NMT1: variants seen among roughly 807,000 people sequenced by gnomAD.
The protein encoded by NMT1 is glycylpeptide N-tetradecanoyltransferase 1.
In NMT1, 12 loss-of-function variants were observed where a neutral mutation model predicts 63.4. The observed-to-expected ratio is 0.19, with a 90% CI of 0.12 to 0.31. The LOEUF (loss-of-function observed/expected upper bound fraction) is 0.31. Ranked by LOEUF, NMT1 falls within the 10% of genes least tolerant of loss-of-function variation. NMT1 has a pLI of 1.00. For missense variants in NMT1, 432 were observed against 634.6 expected (o/e 0.68, Z 3.43); for synonymous variants, 228 against 234.3 (o/e 0.97, Z 0.25).
At chr17:45,066,786 C>T (rs1199280841) in intron 1 of NMT1, among the ~76,000 whole-genome samples, 1 of 152,118 alleles carries the variant, frequency 6.6e-6, no homozygotes, top group African/African-American at 2.4e-5. Flanking sequence ...GTGATCATGG[C>T]TTACTGCAGC....
chr17:45,100,415 A>C (rs2054153980), intron 8 of NMT1, among the ~76,000 whole-genome samples: 1 of 150,950 alleles, frequency 6.6e-6, no homozygotes, highest in Non-Finnish European at 1.5e-5. Context: ...AAATATAAAA[A>C]ATTAGCCAGT....
At chr17:45,081,467 G>A (rs1262131201) in intron 1 of NMT1, among the ~76,000 whole-genome samples, 177 bp from the exon 2 acceptor site, 1 of 152,212 alleles carries the variant, frequency 6.6e-6, no homozygotes, top group African/African-American at 2.4e-5. Context: ...GGGGGCGCGA[G>A]TCAGGAGGAG....
chr17:45,072,834 C>A (rs532535566), intron 1 of NMT1, among the ~76,000 whole-genome samples: 2 of 152,054 alleles, frequency 1.3e-5, no homozygotes, highest in South Asian at 2.1e-4. Flanking sequence ...GCTGGGATTA[C>A]AGGCGTGAGC....
rs772701064 is a variant in NMT1 at position 45,099,486 on chromosome 17, C to T, written c.966C>T (p.Arg322=). ...SHLSRNMTMQ[R]TMKLYRLPET... is the part of the protein sequence containing the mutation. ...TGAGCAGAAATATGACCATGCAGCG[C>T]ACCATGAAGCTCTACCGACTGCCAG... Residue 322 remains arginine (R), a synonymous_variant, in exon 8 of 12, where the codon CGC becomes CGT. Transcript: ENST00000258960. The T allele has an allele frequency of 2.5e-6, 4 of 1,613,930 alleles. No homozygotes were observed. Among genetic ancestry groups the T allele is most frequent in the South Asian group, 1.1e-5 (1 of 91,080 alleles).
chr17:45,091,434 G>GT (rs1224938841), intron 3 of NMT1, among the ~76,000 whole-genome samples: 15 of 152,270 alleles, frequency 9.9e-5, no homozygotes, highest in Admixed American at 6.5e-4. Context: ...AGTGCCTGTT[G>GT]CGTGTAGGAC....
chr17:45,100,721 C>T (rs887345744), intron 8 of NMT1, among the ~76,000 whole-genome samples: 9 of 146,252 alleles, frequency 6.2e-5, no homozygotes, highest in Admixed American at 4.8e-4. Flanking sequence ...ATTAGCTGGT[C>T]GTGGCGTGGC....
chr17:45,070,450 C>T (rs1260095124), intron 1 of NMT1, among the ~76,000 whole-genome samples: 1 of 152,154 alleles, frequency 6.6e-6, no homozygotes, highest in African/African-American at 2.4e-5. Flanking sequence ...CAGAGTCTCG[C>T]TCTGTCACCC....
Position 45,104,760 on chromosome 17 carries a change from G to C in NMT1, c.1333-99G>C. 2.6e-6 allele frequency: 4 copies of C among 1,552,088 alleles called. No homozygotes were observed. The highest frequency in any genetic ancestry group is 2.6e-6 in the Non-Finnish European group (3 of 1,147,664). ...CTTCTGAGGGAACCTTGTTCTTGTG[G>C]CTGCCCACAGGACAGCTTTGAAATG... On this transcript the variant is annotated intron_variant, in intron 10 of 11. Transcript: ENST00000258960. This position sits in a 1 kb window ranked among gnomAD's most constrained non-coding sequence, Gnocchi z 4.2.
chr17:45,085,779 A>G (rs904153784), intron 2 of NMT1, among the ~76,000 whole-genome samples: 3 of 151,808 alleles, frequency 2.0e-5, no homozygotes, highest in African/African-American at 7.3e-5. Context: ...GGATTAGGAC[A>G]GAGGAACCAA....
At chr17:45,097,375 G>C (rs2054132079) in intron 6 of NMT1, 131 bp downstream of exon 6, 1 of 753,036 alleles carries the variant, frequency 1.3e-6, no homozygotes, top group Non-Finnish European at 2.4e-6. Context: ...AGGATGCCCA[G>C]GTGCGGGGAC....
At chr17:45,078,612 A>G (rs75286509) in intron 1 of NMT1, among the ~76,000 whole-genome samples, 2 of 151,906 alleles carry the variant, frequency 1.3e-5, no homozygotes, top group African/African-American at 4.8e-5. Context: ...TTAATGGAAA[A>G]TTGTATTTTA....
At chr17:45,061,560 A>C in intron 1 of NMT1, 100 bp downstream of exon 1, 1 of 1,031,634 alleles carries the variant, frequency 9.7e-7, no homozygotes, top group Non-Finnish European at 1.4e-6. Context: ...CCCCACCCTC[A>C]TGTTCTTATT....
At chr17:45,079,730 C>T (rs999199080) in intron 1 of NMT1, among the ~76,000 whole-genome samples, 6 of 152,146 alleles carry the variant, frequency 3.9e-5, no homozygotes, top group African/African-American at 7.2e-5. Flanking sequence ...GACGGAGTCT[C>T]GCTCTGTCGC....
chr17:45,064,512 G>T (rs533478499), intron 1 of NMT1, among the ~76,000 whole-genome samples: 1 of 152,310 alleles, frequency 6.6e-6, no homozygotes, highest in East Asian at 1.9e-4. Context: ...GAAAAGCATG[G>T]ACTTTGGAAT....
chr17:45,067,283 AC>A (rs1472054111), intron 1 of NMT1, among the ~76,000 whole-genome samples: 5 of 152,100 alleles, frequency 3.3e-5, no homozygotes, highest in Non-Finnish European at 5.9e-5. Context: ...GTGTTTTGGA[AC>A]AAAAAAGAAC....
Position 45,061,369 on chromosome 17 carries a change from C to T in NMT1, c.40C>T (p.Pro14Ser), listed in dbSNP as rs754859910. 1.9e-6 allele frequency: 3 copies of T among 1,613,902 alleles called. No individual in the cohort carries two copies. The East Asian group carries it at 6.7e-5, about 36-fold the overall frequency. The change falls in exon 1 of 12, where the codon CCT becomes TCT. Residue 14 changes from proline to serine, a missense_variant. This residue lies in a region of NMT1 where 121 missense variants were observed against 103.7 expected (regional missense o/e 1.17). Coordinates refer to ENST00000258960, the MANE Select transcript of NMT1 (RefSeq NM_021079.5). ...TGAGACAGCAGTGAAGCCGCCGGCA[C>T]CTCCGCTGCCGCAGATGATGGAAGG... ...ESETAVKPPA[P>S]PLPQMMEGNG...
chr17:45,096,162 TA>T, intron 4 of NMT1, 31 bp from the exon 5 acceptor site: 1 of 1,536,418 alleles, frequency 6.5e-7, no homozygotes, highest in Non-Finnish European at 9.0e-7. Context: ...CCTGGCAGAA[TA>T]CCTCCAAGTG....
chr17:45,101,907 C>G (rs2054169115), intron 8 of NMT1, among the ~76,000 whole-genome samples: 1 of 152,216 alleles, frequency 6.6e-6, no homozygotes, highest in Admixed American at 6.5e-5. Flanking sequence ...CCCTTCTGTT[C>G]TCATGACAGA....
At position 45,093,833 on chromosome 17, in the gene NMT1, C is replaced by T. The variant is rs776471591; in HGVS notation, c.504+30C>T. 2.8e-5 allele frequency: 44 copies of T among 1,548,626 alleles called. No homozygotes were observed. Among genetic ancestry groups the T allele is most frequent in the East Asian group, 1.1e-4 (5 of 44,576 alleles). Reference sequence around the variant, plus strand: ...GTGGGCCCTCAGAAGGTTACACCTGCGGGTAGGAGCCACTTTCACAGTAAG... The same window carrying T: ...GTGGGCCCTCAGAAGGTTACACCTGTGGGTAGGAGCCACTTTCACAGTAAG... On this transcript the variant is annotated intron_variant, in intron 4 of 11. Transcript: ENST00000258960.
Sources: gnomAD v4.1 joint callset for allele counts (sites outside exome capture counted in the v4.1 genomes callset) on GRCh38, gnomAD v4.1.1 for gene constraint, gnomAD v4.1.1 regional missense constraint, Gnocchi (gnomAD v3.1) non-coding constraint, MANE v1.5 for transcripts, NCBI Gene and HGNC (gene_info 2026-07-23, HGNC 2026-07-21) for gene names.